The following FAM168A variants were observed in gnomAD, a reference collection of about 807,000 sequenced individuals.
FAM168A encodes the protein family with sequence similarity 168 member A, also known as protein FAM168A.
In FAM168A, 3 loss-of-function variants were observed where a neutral mutation model predicts 28.5. The observed-to-expected ratio is 0.11, with a 90% CI of 0.05 to 0.27. FAM168A has a LOEUF of 0.27. FAM168A is among the 10% of genes least tolerant of loss of function. The probability of loss-of-function intolerance (pLI) is 1.00; values close to 1 mark genes in which losing one functional copy is unlikely to be tolerated. For missense variants in FAM168A, 222 were observed against 311.5 expected (o/e 0.71, Z 2.16); for synonymous variants, 122 against 124.2 (o/e 0.98, Z 0.12).
chr11:73,490,537 G>C (rs1175087836), intron 1 of FAM168A, among the ~76,000 whole-genome samples: 1 of 151,988 alleles, frequency 6.6e-6, no homozygotes, highest in East Asian at 1.9e-4. Flanking sequence ...TCAACTTCAG[G>C]CACTTCACTT....
In FAM168A at chr11:73,553,574, G is replaced by A. The variant is rs868080695; in HGVS notation, c.-19+44349C>T. On this transcript the variant is annotated intron_variant, in intron 1 of 7. Transcript: ENST00000356467. ...AGAGCCACTCGTCTACTCCTGTAAA[G>A]AGCATGACTACTCACAGTCTTTCTA... 3.3e-5 allele frequency among the ~76,000 whole-genome samples: 5 copies of A among 152,298 alleles called. No individual in the cohort carries two copies. In the South Asian group the frequency reaches 1.0e-3, roughly 32 times the overall value.
intron 1 of FAM168A, among the ~76,000 whole-genome samples, chr11:73,592,158 C>G (rs559609534): frequency 9.9e-5 from 15 of 152,258 alleles, no homozygotes; most frequent in African/African-American, 3.1e-4. Flanking sequence ...AGGGTTCCTT[C>G]AAAATGTCTA....
At chr11:73,517,322 C>T (rs1373969647) in intron 1 of FAM168A, among the ~76,000 whole-genome samples, 1 of 152,182 alleles carries the variant, frequency 6.6e-6, no homozygotes, top group African/African-American at 2.4e-5. Context: ...TAAACCACCA[C>T]ACCCAGCCTC....
At chr11:73,592,656 AAGG>A (rs1293081412) in intron 1 of FAM168A, among the ~76,000 whole-genome samples, 2 of 152,090 alleles carry the variant, frequency 1.3e-5, no homozygotes, top group African/African-American at 4.8e-5. Context: ...GGGCTTCAGG[AAGG>A]AGAAGAACGG....
chr11:73,578,074 G>A (rs1401588831), intron 1 of FAM168A, among the ~76,000 whole-genome samples: 1 of 152,194 alleles, frequency 6.6e-6, no homozygotes, highest in Non-Finnish European at 1.5e-5. Context: ...TCCAGGGACT[G>A]AGGGCCTACT....
chr11:73,503,026 A>C (rs1855040583), intron 1 of FAM168A, among the ~76,000 whole-genome samples: 1 of 152,192 alleles, frequency 6.6e-6, no homozygotes, highest in South Asian at 2.1e-4. Context: ...TATTTATGAC[A>C]AACCCACAGC....
intron 1 of FAM168A, among the ~76,000 whole-genome samples, chr11:73,576,251 C>T (rs904743717): frequency 3.3e-5 from 5 of 152,146 alleles, no homozygotes; most frequent in Non-Finnish European, 7.4e-5. Flanking sequence ...GGGCTAATTA[C>T]CCAACCAGCA....
chr11:73,430,573 G>C (rs1590768451), intron 3 of FAM168A, 117 bp downstream of exon 3: 1 of 933,138 alleles, frequency 1.1e-6, no homozygotes, highest in Non-Finnish European at 1.7e-6. Flanking sequence ...ATCCAGCCTG[G>C]AGAGGCTGCG....
intron 1 of FAM168A, among the ~76,000 whole-genome samples, chr11:73,498,358 A>G (rs1688518448): frequency 6.6e-6 from 1 of 152,118 alleles, no homozygotes; most frequent in Non-Finnish European, 1.5e-5. Context: ...GTGAATGAGC[A>G]CGCTACCCAG....
chr11:73,584,529 A>C (rs958997201), intron 1 of FAM168A, among the ~76,000 whole-genome samples: 19 of 140,186 alleles, frequency 1.4e-4, no homozygotes, highest in African/African-American at 1.9e-4. Flanking sequence ...GCTGGAGTGC[A>C]GTGGCGCAAT....
intron 1 of FAM168A, among the ~76,000 whole-genome samples, chr11:73,553,219 AT>A (rs1027651040): frequency 3.3e-4 from 50 of 152,010 alleles, no homozygotes; most frequent in Non-Finnish European, 5.3e-4. Flanking sequence ...CTAATTCTAG[AT>A]TTTTTTTCAA....
At chr11:73,489,714 T>C (rs1223713966) in intron 1 of FAM168A, among the ~76,000 whole-genome samples, 1 of 152,194 alleles carries the variant, frequency 6.6e-6, no homozygotes, top group Non-Finnish European at 1.5e-5. Context: ...AGATGCTGTG[T>C]TGCCTGGGCT....
intron 2 of FAM168A, among the ~76,000 whole-genome samples, chr11:73,463,582 G>A (rs1867686437): frequency 6.6e-6 from 1 of 152,176 alleles, no homozygotes; most frequent in Non-Finnish European, 1.5e-5. Flanking sequence ...TGAATCATCA[G>A]CCTATAGACA....
chr11:73,498,250 G>A (rs973789959), intron 1 of FAM168A, among the ~76,000 whole-genome samples: 10 of 152,142 alleles, frequency 6.6e-5, no homozygotes, highest in Admixed American at 2.0e-4. Context: ...GAAGGCTGGC[G>A]TGACCCATGG....
intron 1 of FAM168A, among the ~76,000 whole-genome samples, chr11:73,494,216 T>G (rs1033515093): frequency 6.6e-6 from 1 of 152,140 alleles, no homozygotes; most frequent in African/African-American, 2.4e-5. Context: ...ATCATTTAAT[T>G]TAAGCCCTTC....
intron 2 of FAM168A, among the ~76,000 whole-genome samples, chr11:73,431,780 G>C (rs74781983): frequency 6.6e-6 from 1 of 152,070 alleles, no homozygotes; most frequent in African/African-American, 2.4e-5. Flanking sequence ...GGTAAAATAC[G>C]TGTAATATAA....
chr11:73,552,479 T>C (rs1304633414), intron 1 of FAM168A, among the ~76,000 whole-genome samples: 2 of 152,236 alleles, frequency 1.3e-5, no homozygotes, highest in Non-Finnish European at 2.9e-5. Context: ...TAACAGTGCC[T>C]GGCACATAGT....
chr11:73,431,524 G>A (rs1866993870), intron 2 of FAM168A, among the ~76,000 whole-genome samples: 1 of 152,086 alleles, frequency 6.6e-6, no homozygotes, highest in Non-Finnish European at 1.5e-5. Flanking sequence ...TATATTCAGT[G>A]GTGTGCTGGT....
chr11:73,470,844 C>G (rs1867804417), intron 1 of FAM168A, among the ~76,000 whole-genome samples: 1 of 152,214 alleles, frequency 6.6e-6, no homozygotes, highest in East Asian at 1.9e-4. Context: ...CACTCTCCTA[C>G]TGAGAAGACA....
Sources: allele counts gnomAD v4.1 joint callset (sites outside exome capture counted in the v4.1 genomes callset), GRCh38; gene constraint gnomAD v4.1.1; transcripts MANE v1.5; gene names NCBI Gene and HGNC (gene_info 2026-07-23, HGNC 2026-07-21).